The following CNTN4 variants were observed in gnomAD, a reference collection of about 807,000 sequenced individuals.
CNTN4 encodes contactin 4.
CNTN4 carries 77 observed loss-of-function variants against 122.5 expected under a neutral mutation model. That is an observed-to-expected ratio of 0.63 (90% CI 0.52 to 0.76). The LOEUF (loss-of-function observed/expected upper bound fraction) is 0.76, where lower values mean the gene tolerates loss of function less well. Among genes scored for constraint, CNTN4 ranks in the 30% least tolerant of loss-of-function variants. The probability of loss-of-function intolerance (pLI) is 0.00; values close to 1 mark genes in which losing one functional copy is unlikely to be tolerated. For synonymous variants in CNTN4, 512 were observed against 447.0 expected (o/e 1.15, Z -1.83); for missense variants, 1,256 against 1,259.1 (o/e 1.00, Z 0.04).
intron 4 of CNTN4, among the ~76,000 whole-genome samples, chr3:2,581,434 A>G (rs1054168293): frequency 1.3e-5 from 2 of 152,184 alleles, no homozygotes; most frequent in African/African-American, 4.8e-5. Flanking sequence ...CCAATTTTAC[A>G]TATGAGAATC....
intron 7 of CNTN4, among the ~76,000 whole-genome samples, chr3:2,820,835 T>C (rs910921773): frequency 1.3e-5 from 2 of 151,788 alleles, no homozygotes; most frequent in Non-Finnish European, 2.9e-5. Context: ...CCATAGAATC[T>C]ACGATCACTT....
intron 4 of CNTN4, among the ~76,000 whole-genome samples, chr3:2,717,515 G>A (rs2087570528): frequency 6.6e-6 from 1 of 152,178 alleles, no homozygotes; most frequent in Non-Finnish European, 1.5e-5. Flanking sequence ...TTCACTCCAT[G>A]TGTTTCTTCC....
chr3:2,668,765 C>A (rs921427998), intron 4 of CNTN4, among the ~76,000 whole-genome samples: 3 of 152,116 alleles, frequency 2.0e-5, no homozygotes, highest in African/African-American at 7.2e-5. Context: ...GAGATACATC[C>A]CATCAATACC....
chr3:2,819,459 T>G, intron 6 of CNTN4, 27 bp from the exon 7 acceptor site: 1 of 1,550,884 alleles, frequency 6.4e-7, no homozygotes, highest in Non-Finnish European at 8.9e-7. Context: ...AAAGTTTAAA[T>G]GCTTTTTCCC....
intron 3 of CNTN4, among the ~76,000 whole-genome samples, chr3:2,470,202 G>C (rs564591850): frequency 4.6e-5 from 7 of 152,140 alleles, no homozygotes; most frequent in South Asian, 2.1e-4. Context: ...TCAGCATCCT[G>C]AGTAGCTGAG....
At chr3:2,378,729 T>C (rs2045911872) in intron 3 of CNTN4, among the ~76,000 whole-genome samples, 1 of 150,094 alleles carries the variant, frequency 6.7e-6, no homozygotes, top group African/African-American at 2.4e-5. Flanking sequence ...CATTTCAAGC[T>C]TAGCTCCTTT....
At chr3:2,281,707 T>A (rs1376207718) in intron 2 of CNTN4, among the ~76,000 whole-genome samples, 2 of 152,162 alleles carry the variant, frequency 1.3e-5, no homozygotes, top group East Asian at 3.9e-4. Flanking sequence ...TTGGTATTGC[T>A]AGGTGTTTTC....
chr3:2,580,080 T>C (rs778552879), intron 4 of CNTN4, among the ~76,000 whole-genome samples: 6 of 152,116 alleles, frequency 3.9e-5, no homozygotes, highest in African/African-American at 9.7e-5. Context: ...CATGTGTATG[T>C]ACATGTAATT....
At chr3:2,173,206 A>G (rs2036593418) in intron 2 of CNTN4, among the ~76,000 whole-genome samples, 1 of 152,222 alleles carries the variant, frequency 6.6e-6, no homozygotes, top group Non-Finnish European at 1.5e-5. Flanking sequence ...ACTCCTAACG[A>G]GGACACAGTG....
At chr3:2,995,328 CCA>C (rs1695437064) in intron 14 of CNTN4, among the ~76,000 whole-genome samples, 1 of 152,138 alleles carries the variant, frequency 6.6e-6, no homozygotes, top group South Asian at 2.1e-4. Flanking sequence ...TGTGTGAGAG[CCA>C]CGTAGATTGA....
At chr3:2,169,518 T>G (rs564077606) in intron 2 of CNTN4, among the ~76,000 whole-genome samples, 1 of 151,328 alleles carries the variant, frequency 6.6e-6, no homozygotes, top group Non-Finnish European at 1.5e-5. Context: ...GCCATTCTCC[T>G]GCCTCAGCCT....
chr3:2,923,988 T>C (rs941226037), intron 12 of CNTN4, among the ~76,000 whole-genome samples: 3 of 152,138 alleles, frequency 2.0e-5, no homozygotes, highest in Admixed American at 2.0e-4. Flanking sequence ...TACTTATTAA[T>C]TGCACTTATT....
chr3:2,474,443 T>TAAA (rs1559586504), intron 3 of CNTN4, among the ~76,000 whole-genome samples: 2 of 152,226 alleles, frequency 1.3e-5, no homozygotes, highest in Admixed American at 6.5e-5. Context: ...AACTTAAGCC[T>TAAA]TTTAAAACAT....
intron 14 of CNTN4, among the ~76,000 whole-genome samples, chr3:2,993,769 C>T (rs1344192285): frequency 3.3e-5 from 5 of 152,182 alleles, no homozygotes; most frequent in Non-Finnish European, 7.3e-5. Flanking sequence ...TATAGTCTGG[C>T]CAAGCTATAC....
intron 3 of CNTN4, among the ~76,000 whole-genome samples, chr3:2,391,397 T>C (rs76650167): frequency 0.019 from 2,872 of 152,256 alleles, 79 homozygotes; most frequent in African/African-American, 0.065. Flanking sequence ...GCTGAGTCAT[T>C]ATCAAACAAT....
chr3:2,697,751 A>G (rs2728028), intron 4 of CNTN4, among the ~76,000 whole-genome samples: 25,679 of 152,168 alleles, frequency 0.17, 2,549 homozygotes, highest in South Asian at 0.4. Flanking sequence ...GAACTGGCTC[A>G]TGCAGTTGTG....
At chr3:2,340,276 A>G (rs901506751) in intron 3 of CNTN4, among the ~76,000 whole-genome samples, 7 of 152,154 alleles carry the variant, frequency 4.6e-5, no homozygotes, top group Non-Finnish European at 8.8e-5. Flanking sequence ...TGGGAAAATA[A>G]TCATAACATG....
chr3:2,625,691 CATT>C (rs2082157551), intron 4 of CNTN4, among the ~76,000 whole-genome samples: 1 of 152,172 alleles, frequency 6.6e-6, no homozygotes. Context: ...ACTTTTCCAT[CATT>C]ATTTGTGAAT....
intron 4 of CNTN4, among the ~76,000 whole-genome samples, chr3:2,626,397 T>C (rs2082189034): frequency 6.6e-6 from 1 of 151,572 alleles, no homozygotes; most frequent in Non-Finnish European, 1.5e-5. Flanking sequence ...CTCGGGAGGC[T>C]GAGGCAGGAG....
Sources: allele counts gnomAD v4.1 joint callset (sites outside exome capture counted in the v4.1 genomes callset), GRCh38; gene constraint gnomAD v4.1.1; transcripts MANE v1.5; gene names NCBI Gene and HGNC (gene_info 2026-07-23, HGNC 2026-07-21).